The following ZNF233 variants were observed in gnomAD, a reference collection of about 807,000 sequenced individuals.
ZNF233 encodes zinc finger protein 233.
A neutral mutation model predicts 11.6 loss-of-function variants in ZNF233; 7 were observed. The ratio of observed to expected loss-of-function variants is 0.60; its 90% CI spans 0.34 to 1.13. ZNF233 has a LOEUF of 1.13. Ranked by LOEUF, ZNF233 falls within the 50% of genes most tolerant of loss-of-function variation. The probability of loss-of-function intolerance (pLI) is 0.03; values close to 1 mark genes in which losing one functional copy is unlikely to be tolerated. For missense variants in ZNF233, 711 were observed against 785.5 expected (o/e 0.91, Z 1.13); for synonymous variants, 226 against 268.5 (o/e 0.84, Z 1.55).
intron 2 of ZNF233, among the ~76,000 whole-genome samples, 166 bp downstream of exon 2, chr19:44,264,541 CTTTTG>C (rs1466595138): frequency 6.6e-6 from 1 of 152,040 alleles, no homozygotes; most frequent in African/African-American, 2.4e-5. Flanking sequence ...ATGTCTTTAG[CTTTTG>C]TTTTGGTAGT....
chr19:44,267,048 G>C, intron 4 of ZNF233, 87 bp downstream of exon 4: 1 of 1,006,128 alleles, frequency 9.9e-7, no homozygotes, highest in Non-Finnish European at 1.5e-6. Context: ...CCTGGCCCAA[G>C]ACCCCAGAAT....
intron 1 of ZNF233, among the ~76,000 whole-genome samples, chr19:44,261,764 G>T (rs1024828157): frequency 6.7e-6 from 1 of 149,688 alleles, no homozygotes; most frequent in African/African-American, 2.5e-5. Flanking sequence ...TGATTCTCGT[G>T]CCTCAGCCTC....
intron 1 of ZNF233, among the ~76,000 whole-genome samples, chr19:44,260,892 G>T (rs552835266): frequency 3.9e-5 from 6 of 152,348 alleles, no homozygotes; most frequent in Non-Finnish European, 5.9e-5. Flanking sequence ...GTTCGTGAAT[G>T]AGTAATAATA....
At chr19:44,263,814 C>T (rs775336398) in intron 1 of ZNF233, among the ~76,000 whole-genome samples, 1 of 152,186 alleles carries the variant, frequency 6.6e-6, no homozygotes, top group Admixed American at 6.5e-5. Context: ...TTTGCAACAA[C>T]AATTTTATGA....
chr19:44,265,326 G>A (rs1305055904), intron 2 of ZNF233, among the ~76,000 whole-genome samples: 3 of 149,034 alleles, frequency 2.0e-5, no homozygotes, highest in East Asian at 4.0e-4. Context: ...CCATTAATTC[G>A]TTCCTTTTTA....
At chr19:44,264,890 C>T (rs1452891867) in intron 2 of ZNF233, among the ~76,000 whole-genome samples, 2 of 152,118 alleles carry the variant, frequency 1.3e-5, no homozygotes, top group Non-Finnish European at 2.9e-5. Context: ...AATGCTGTCT[C>T]TAAATAGTAT....
chr19:44,264,662 T>A (rs928027873), intron 2 of ZNF233, among the ~76,000 whole-genome samples: 1 of 152,146 alleles, frequency 6.6e-6, no homozygotes, highest in African/African-American at 2.4e-5. Context: ...ATAATCTATT[T>A]CCCCCATACT....
At position 44,273,376 on chromosome 19, in the gene ZNF233, G is replaced by T; in HGVS notation, c.716G>T (p.Cys239Phe). ...GAGAAAGCTTTTAGCCACAATAATT[G>T]TGGAAAAGACTGTGTGAAGGAATCA... The part of the protein sequence containing the change: ...KREKAFSHNN[C>F]GKDCVKESSQ... The change falls in exon 5 of 5, where the codon TGT becomes TTT. Residue 239 changes from cysteine to phenylalanine, a missense_variant. Coordinates refer to ENST00000683810, the MANE Select transcript of ZNF233 (RefSeq NM_001207005.2). The T allele has an allele frequency of 6.2e-7, 1 of 1,614,174 alleles. No individual in the cohort carries two copies. The highest frequency in any genetic ancestry group is 8.5e-7 in the Non-Finnish European group (1 of 1,180,048).
rs1248649983 is a variant in ZNF233, at chr19:44,274,700, A to C, written c.*27A>C. On this transcript the variant is annotated 3_prime_UTR_variant, in exon 5 of 5. Coordinates refer to ENST00000683810, the MANE Select transcript of ZNF233 (RefSeq NM_001207005.2). Reference sequence around the variant, plus strand: ...GGTGATGAATCTATTAATCATGATGAGTGTGATAGGGGTGCTCTTCAAGAC... The same window carrying C: ...GGTGATGAATCTATTAATCATGATGCGTGTGATAGGGGTGCTCTTCAAGAC... 4 of 1,536,986 alleles carry C rather than the reference A, an allele frequency of 2.6e-6. No homozygotes were observed. The highest frequency in any genetic ancestry group is 3.5e-6 in the Non-Finnish European group (4 of 1,133,376).
intron 1 of ZNF233, among the ~76,000 whole-genome samples, chr19:44,262,107 C>G (rs552816249): frequency 2.0e-5 from 3 of 152,292 alleles, no homozygotes; most frequent in African/African-American, 7.2e-5. Flanking sequence ...TCTTGGAGAT[C>G]AATTAGTACA....
chr19:44,269,129 A>G (rs372410372), intron 4 of ZNF233, among the ~76,000 whole-genome samples: 1 of 151,816 alleles, frequency 6.6e-6, no homozygotes, highest in Non-Finnish European at 1.5e-5. Flanking sequence ...TGACTGCCTC[A>G]TTTTTAAAAA....
chr19:44,265,641 T>C (rs181429936), intron 2 of ZNF233, among the ~76,000 whole-genome samples: 91 of 152,184 alleles, frequency 6.0e-4, no homozygotes, highest in African/African-American at 2.0e-3. Flanking sequence ...AGGCTGGTCT[T>C]GAACTCCTGA....
rs1266628083 is a variant in ZNF233 at position 44,273,005 on chromosome 19, A to G, written c.345A>G (p.Lys115=). ...CWQIWEQFTS[K]LTSNQDLIIN... is the part of the protein sequence containing the mutation. Reference sequence around the variant, plus strand: ...AAATATGGGAACAATTTACAAGTAAATTAACCAGTAATCAAGACCTAATAA... The same window carrying G: ...AAATATGGGAACAATTTACAAGTAAGTTAACCAGTAATCAAGACCTAATAA... Residue 115 remains lysine, a synonymous_variant, in exon 5 of 5, where the codon AAA becomes AAG. Transcript: ENST00000683810. The G allele has an allele frequency of 6.2e-7, 1 of 1,614,016 alleles. No homozygotes were observed. The highest frequency in any genetic ancestry group is 8.5e-7 in the Non-Finnish European group (1 of 1,180,002).
At chr19:44,271,288 C>T (rs889263939) in intron 4 of ZNF233, among the ~76,000 whole-genome samples, 1 of 152,112 alleles carries the variant, frequency 6.6e-6, no homozygotes, top group African/African-American at 2.4e-5. Flanking sequence ...TTTCTATATT[C>T]TCTTCACTTT....
rs1555798186 is a variant in ZNF233 at position 44,273,859 on chromosome 19, G to A, written c.1199G>A (p.Cys400Tyr). The A allele has an allele frequency of 4.3e-6, 7 of 1,614,166 alleles. No homozygotes were observed. The South Asian group carries it at 7.7e-5, about 18-fold the overall frequency. ...VDSAGERACK[C>Y]DVYDKGFSQT... ...AGTGCTGGAGAGAGAGCCTGTAAAT[G>A]TGATGTATATGATAAAGGCTTCAGT... Residue 400 changes from cysteine to tyrosine, a missense_variant, in exon 5 of 5, where the codon TGT (cysteine) becomes TAT (tyrosine). By Grantham distance (194) the Cys-to-Tyr change is radical (BLOSUM62 -2). Transcript: ENST00000683810.
rs138985610 is a variant in ZNF233, at chr19:44,264,138, C to T, written c.-47-176C>T. Among the ~76,000 whole-genome samples, 773 of 152,210 alleles carry T rather than the reference C, an allele frequency of 5.1e-3. 3 individuals are homozygous for T. The highest frequency in any genetic ancestry group is 0.013 in the Admixed American group (197 of 15,278). ...GTATTTTTTTGTAGAGATGGGGTTT[C>T]GTCATGTTGCGGGCTAGTCTCGAAC... On this transcript the variant is annotated intron_variant, in intron 1 of 4. Coordinates refer to ENST00000683810, the MANE Select transcript of ZNF233 (RefSeq NM_001207005.2).
chr19:44,273,581 C>A lies in ZNF233; in HGVS notation c.921C>A (p.Phe307Leu), dbSNP rs1369436256. The A allele has an allele frequency of 3.1e-6, 5 of 1,614,168 alleles. No individual in the cohort carries two copies. The highest frequency in any genetic ancestry group is 4.2e-6 in the Non-Finnish European group (5 of 1,180,038). Residue 307 changes from phenylalanine (F) to leucine (L), a missense_variant, in exon 5 of 5, where the codon TTC becomes TTA. By Grantham distance (22) the Phe-to-Leu change is conservative (BLOSUM62 0). Transcript: ENST00000683810. ...CAGGGCTTCCCAGGCATCAGTGTTT[C>A]CACATAGGAGAGAAATGCTATAGGA... is the stretch of plus-strand genomic sequence containing the variant. ...YSSGLPRHQCFHIGEKCYRNG... is the reference protein window; with the variant it reads ...YSSGLPRHQCLHIGEKCYRNG...
rs765488975 is a variant in ZNF233, at chr19:44,274,504, C to T, written c.1844C>T (p.Thr615Met). The T allele has an allele frequency of 3.3e-5, 54 of 1,614,018 alleles. No individual in the cohort carries two copies. Among genetic ancestry groups the T allele is most frequent in the Middle Eastern group, 1.7e-4 (1 of 6,060 alleles). ...SYLHVHQRIH[T>M]GEKPYKCGMC... Reference sequence around the variant, plus strand: ...CTTCATGTTCATCAGAGGATCCACACGGGAGAGAAACCCTATAAATGTGGC... The same window carrying T: ...CTTCATGTTCATCAGAGGATCCACATGGGAGAGAAACCCTATAAATGTGGC... The change falls in exon 5 of 5, where the codon ACG (threonine) becomes ATG (methionine). Residue 615 changes from threonine to methionine, a missense_variant. Coordinates refer to ENST00000683810, the MANE Select transcript of ZNF233 (RefSeq NM_001207005.2).
chr19:44,263,135 A>T (rs1332775742), intron 1 of ZNF233, among the ~76,000 whole-genome samples: 4 of 152,200 alleles, frequency 2.6e-5, no homozygotes, highest in African/African-American at 9.7e-5. Flanking sequence ...GACAGAACCA[A>T]GGCTTTTACC....
Sources: allele counts gnomAD v4.1 joint callset (sites outside exome capture counted in the v4.1 genomes callset), GRCh38; gene constraint gnomAD v4.1.1; transcripts MANE v1.5; gene names NCBI Gene and HGNC (gene_info 2026-07-23, HGNC 2026-07-21).